RBPJ: variants seen among roughly 807,000 people sequenced by gnomAD.
RBPJ encodes the protein recombining binding protein suppressor of hairless.
Under a neutral mutation model 67.8 loss-of-function variants are expected in RBPJ, and 9 were observed. That is an observed-to-expected ratio of 0.13 (90% CI 0.08 to 0.23). The LOEUF (loss-of-function observed/expected upper bound fraction) is 0.23. Ranked by LOEUF, RBPJ falls within the 10% of genes least tolerant of loss-of-function variation. The pLI, the probability that RBPJ is intolerant of heterozygous loss-of-function variation, is 1.00. For missense variants in RBPJ, 305 were observed against 595.6 expected, an observed-to-expected ratio of 0.51 and a Z score of 5.08; for synonymous variants, 198 against 203.3, an observed-to-expected ratio of 0.97 and a Z score of 0.22.
chr4:26,215,278 G>GAGAGGAA (rs1718662529), intron 1 of RBPJ, among the ~76,000 whole-genome samples: 1 of 64,084 alleles, frequency 1.6e-5, no homozygotes, highest in Non-Finnish European at 2.7e-5. Context: ...GGAGGAAAAA[G>GAGAGGAA]AGAGAGAAAG....
upstream of RBPJ, chr4:26,320,819 G>C (rs950876535): frequency 6.4e-7 from 1 of 1,559,264 alleles, no homozygotes; most frequent in African/African-American, 1.4e-5. Flanking sequence ...CGCCTGGGTA[G>C]GTTTCCAGGG....
chr4:26,284,327 T>C (rs1181377846), intron 1 of RBPJ, among the ~76,000 whole-genome samples: 2 of 152,188 alleles, frequency 1.3e-5, no homozygotes, highest in African/African-American at 4.8e-5. Context: ...TCTCCCATAA[T>C]TGAGATTCTT....
intron 1 of RBPJ, among the ~76,000 whole-genome samples, chr4:26,351,485 A>G (rs570252402): frequency 3.9e-5 from 6 of 152,248 alleles, no homozygotes; most frequent in South Asian, 4.1e-4. Context: ...GGCTCAGGCA[A>G]TCCTCCCACC....
rs111412636 is a variant in RBPJ at position 26,303,715 on chromosome 4, G to A, written c.-166-58731G>A. On this transcript the variant is annotated intron_variant, in intron 1 of 4. Coordinates refer to the RBPJ transcript ENST00000512351. ...TTCCAGCACTTTGGGAGGCCAAGGC[G>A]GGAGGATTGCTTGAGCCCAGGAGTT... Among the ~76,000 whole-genome samples, 1,126 of 151,266 alleles carry A rather than the reference G, an allele frequency of 7.4e-3. 13 individuals carry two copies. The highest frequency in any genetic ancestry group is 0.026 in the African/African-American group (1,053 of 41,246).
chr4:26,252,210 T>C (rs1314493189), intron 1 of RBPJ, among the ~76,000 whole-genome samples: 1 of 152,086 alleles, frequency 6.6e-6, no homozygotes, highest in Non-Finnish European at 1.5e-5. Context: ...CATTAAGTAA[T>C]TTCTCATCAT....
intron 1 of RBPJ, among the ~76,000 whole-genome samples, chr4:26,197,603 A>T (rs1051317777): frequency 6.6e-6 from 1 of 152,190 alleles, no homozygotes; most frequent in African/African-American, 2.4e-5. Context: ...CCTCCCAGGA[A>T]ATGGAAACCA....
At chr4:26,305,225 C>G (rs570542990) in intron 1 of RBPJ, among the ~76,000 whole-genome samples, 35 of 152,296 alleles carry the variant, frequency 2.3e-4, no homozygotes, top group South Asian at 1.0e-3. Flanking sequence ...ACCACACAGT[C>G]TTGATTACTG....
At chr4:26,415,774 C>T (rs1577653677) in intron 4 of RBPJ, 134 bp downstream of exon 4, 1 of 676,998 alleles carries the variant, frequency 1.5e-6, no homozygotes, top group Non-Finnish European at 2.2e-6. Flanking sequence ...TAAACTAGGA[C>T]CAAAAAACAT....
At chr4:26,227,994 A>T (rs775290236) in intron 1 of RBPJ, among the ~76,000 whole-genome samples, 1 of 152,126 alleles carries the variant, frequency 6.6e-6, no homozygotes, top group Non-Finnish European at 1.5e-5. Context: ...TGCGCAAGCC[A>T]TTGGTCTAGG....
At chr4:26,303,423 C>G (rs2109301407) in intron 1 of RBPJ, among the ~76,000 whole-genome samples, 1 of 138,604 alleles carries the variant, frequency 7.2e-6, no homozygotes, top group East Asian at 2.1e-4. Flanking sequence ...TGTGATTGTG[C>G]CACTGCACTC....
At chr4:26,394,119 C>T (rs956245883) in intron 2 of RBPJ, among the ~76,000 whole-genome samples, 5 of 151,724 alleles carry the variant, frequency 3.3e-5, no homozygotes, top group African/African-American at 9.7e-5. Context: ...CTCGGCTTCC[C>T]GGGTTCGCGC....
chr4:26,120,908 G>T, the RBPJ span, among the ~76,000 whole-genome samples: 2 of 150,624 alleles, frequency 1.3e-5, no homozygotes, highest in East Asian at 3.9e-4. Flanking sequence ...CAAGATAAAT[G>T]GACATACATT....
chr4:26,431,184 T>TAAAAAAAAAAAAAAAAAAAAAA lies in RBPJ; in HGVS notation c.*183_*204dup, dbSNP rs897964346. On this transcript the variant is annotated 3_prime_UTR_variant, in exon 11 of 11. Coordinates refer to ENST00000355476, the MANE Select transcript of RBPJ (RefSeq NM_015874.6). The stretch of plus-strand genomic sequence containing the variant: ...CTGATTTGAAATGCAGAAGCCACAG[T>TAAAAAAAAAAAAAAAAAAAAAA]AAAAAAAAAAAAAAAAAAAAAAAAA... 6 of 40,668 alleles carry TAAAAAAAAAAAAAAAAAAAAAA rather than the reference T, an allele frequency of 1.5e-4. No individual in the cohort carries two copies. The highest frequency in any genetic ancestry group is 2.3e-4 in the African/African-American group (2 of 8,880). The allele number at this position is 40,668 out of a possible 1,614,324, so 2.5% of individuals were successfully genotyped here.
upstream of RBPJ, chr4:26,319,925 G>A (rs781512373): frequency 1.5e-5 from 23 of 1,571,258 alleles, no homozygotes; most frequent in Non-Finnish European, 1.7e-5. Context: ...CCTTCACCCT[G>A]CTGTTCCATG....
At chr4:26,117,679 C>G in the RBPJ span, among the ~76,000 whole-genome samples, 30 of 152,226 alleles carry the variant, frequency 2.0e-4, no homozygotes, top group African/African-American at 7.0e-4. Context: ...AACCCTTTGA[C>G]AAATGAATTA....
intron 7 of RBPJ, among the ~76,000 whole-genome samples, chr4:26,426,732 A>C (rs1314800420): frequency 6.6e-6 from 1 of 152,176 alleles, no homozygotes; most frequent in East Asian, 1.9e-4. Context: ...GAATGAAGTC[A>C]AAGAACCGGT....
rs1307917232 is a variant in RBPJ, at chr4:26,424,592, A to G, written c.635-39A>G. On this transcript the variant is annotated intron_variant, in intron 6 of 10. Transcript: ENST00000355476. This position sits in a 1 kb window ranked among gnomAD's most constrained non-coding sequence, Gnocchi z 5.3. ...TTTGCCTAATCATAAAATAAATTTA[A>G]AAAGATGACAATTTGATTTATTTTT... 12 of 1,563,730 alleles carry G rather than the reference A, an allele frequency of 7.7e-6. No individual in the cohort carries two copies. The highest frequency in any genetic ancestry group is 9.6e-6 in the Non-Finnish European group (11 of 1,142,218).
chr4:26,290,173 C>T (rs993373718), intron 1 of RBPJ, among the ~76,000 whole-genome samples: 7 of 149,316 alleles, frequency 4.7e-5, no homozygotes, highest in Admixed American at 6.7e-5. Context: ...CCCATCTCTA[C>T]ATGTGACTTA....
chr4:26,298,093 C>G (rs1299592333), intron 1 of RBPJ, among the ~76,000 whole-genome samples: 2 of 152,092 alleles, frequency 1.3e-5, no homozygotes, highest in Non-Finnish European at 2.9e-5. Flanking sequence ...CCTGAACCAC[C>G]AACTGAATGC....
Sources: allele counts gnomAD v4.1 joint callset (sites outside exome capture counted in the v4.1 genomes callset), GRCh38; gene constraint gnomAD v4.1.1; non-coding constraint Gnocchi (gnomAD v3.1); transcripts MANE v1.5; gene names NCBI Gene and HGNC (gene_info 2026-07-23, HGNC 2026-07-21).